AGMO: variants seen among roughly 807,000 people sequenced by gnomAD.
AGMO encodes alkylglycerol monooxygenase.
Under a neutral mutation model 60.2 loss-of-function variants are expected in AGMO, and 75 were observed. The observed-to-expected ratio is 1.25, with a 90% CI of 1.03 to 1.51. The LOEUF is 1.51. Among genes scored for constraint, AGMO ranks in the 40% most tolerant of loss-of-function variants. AGMO has a pLI of 0.00. For synonymous variants in AGMO, 261 were observed against 177.1 expected (o/e 1.47, Z -3.76); for missense variants, 763 against 525.5 (o/e 1.45, Z -4.42).
chr7:15,294,849 CAT>C (rs1784368366), intron 12 of AGMO, among the ~76,000 whole-genome samples: 1 of 151,746 alleles, frequency 6.6e-6, no homozygotes, highest in African/African-American at 2.4e-5. Flanking sequence ...ATAAAGAAAA[CAT>C]ATGCAACTGA....
the AGMO span, among the ~76,000 whole-genome samples, chr7:15,140,051 T>C: frequency 6.6e-6 from 1 of 150,800 alleles, no homozygotes; most frequent in South Asian, 2.1e-4. Flanking sequence ...AATAAAGTTA[T>C]AAATTATATA....
chr7:15,560,150 C>A lies in AGMO; in HGVS notation c.248G>T (p.Arg83Leu). 1 of 1,608,650 alleles carries A rather than the reference C, an allele frequency of 6.2e-7. No homozygotes were observed. Among genetic ancestry groups the A allele is most frequent in the Non-Finnish European group, 8.5e-7 (1 of 1,176,498 alleles). Residue 83 changes from arginine (R) to leucine (L), a missense_variant, in exon 2 of 13, where the codon CGA (arginine) becomes CTA (leucine). Transcript: ENST00000342526. ...LTSISAGVLS[R>L]LPSLFFRSIE... ...TGACCATCTAACTCACCTTGGAAGTCGAGACAGAACACCAGCTGAGATTGA... is the reference window on the plus strand; with the variant it reads ...TGACCATCTAACTCACCTTGGAAGTAGAGACAGAACACCAGCTGAGATTGA...
intron 12 of AGMO, among the ~76,000 whole-genome samples, chr7:15,214,197 C>A (rs1781671563): frequency 1.3e-5 from 2 of 151,680 alleles, no homozygotes; most frequent in South Asian, 2.1e-4. Flanking sequence ...AATTTGTAAC[C>A]AATATTAAAT....
At chr7:15,258,892 G>C (rs999359362) in intron 12 of AGMO, among the ~76,000 whole-genome samples, 5 of 151,956 alleles carry the variant, frequency 3.3e-5, no homozygotes, top group African/African-American at 1.2e-4. Flanking sequence ...CCACAACAAG[G>C]GAGCACTCCA....
At chr7:15,348,017 C>T (rs1782096018) in intron 12 of AGMO, among the ~76,000 whole-genome samples, 1 of 152,002 alleles carries the variant, frequency 6.6e-6, no homozygotes, top group Admixed American at 6.6e-5. Context: ...AAGACATTTT[C>T]CTGAAGTTAA....
intron 5 of AGMO, among the ~76,000 whole-genome samples, chr7:15,401,878 G>A (rs1212620850): frequency 6.6e-6 from 1 of 152,090 alleles, no homozygotes; most frequent in African/African-American, 2.4e-5. Flanking sequence ...TCTCATAGTG[G>A]AATAGATGTC....
intron 2 of AGMO, among the ~76,000 whole-genome samples, chr7:15,546,263 G>A (rs1302490625): frequency 6.6e-6 from 1 of 152,066 alleles, no homozygotes; most frequent in African/African-American, 2.4e-5. Flanking sequence ...GCAACTCAGA[G>A]AAATGCCAAA....
rs1465469098 is a variant in AGMO, at chr7:15,362,723, T to C, written c.1263+2791A>G. 4.6e-5 allele frequency among the ~76,000 whole-genome samples: 7 copies of C among 152,180 alleles called. 1 individual carries two copies. The highest frequency in any genetic ancestry group is 4.6e-4 in the Admixed American group (7 of 15,274). ...ATGAGGTCCTCTTTTCCTTGGATCA[T>C]AAACCAAAGATAATCCAGAGGTAAA... is the stretch of plus-strand genomic sequence containing the variant. On this transcript the variant is annotated intron_variant, in intron 12 of 12. Coordinates refer to ENST00000342526, the MANE Select transcript of AGMO (RefSeq NM_001004320.2).
the AGMO span, among the ~76,000 whole-genome samples, chr7:15,174,437 A>C: frequency 9.2e-5 from 14 of 152,230 alleles, no homozygotes; most frequent in East Asian, 1.3e-3. Context: ...AATTTTAAGA[A>C]AGATACTTTT....
intron 5 of AGMO, among the ~76,000 whole-genome samples, chr7:15,414,946 T>C (rs1780718592): frequency 1.3e-5 from 2 of 152,176 alleles, no homozygotes; most frequent in Non-Finnish European, 2.9e-5. Context: ...CAAAGAAATC[T>C]GGCATCTTGA....
intron 3 of AGMO, among the ~76,000 whole-genome samples, chr7:15,460,594 TTTAATAAGATA>T (rs1420184733): frequency 6.6e-6 from 1 of 152,104 alleles, no homozygotes; most frequent in African/African-American, 2.4e-5. Flanking sequence ...AAATTTTAAT[TTTAATAAGATA>T]TTAATGAGAT....
At chr7:15,506,836 T>TA (rs1464854244) in intron 3 of AGMO, among the ~76,000 whole-genome samples, 8 of 151,646 alleles carry the variant, frequency 5.3e-5, no homozygotes, top group Admixed American at 1.3e-4. Flanking sequence ...AGAGAGTCCC[T>TA]AAAAACAACA....
chr7:15,338,970 CCTAG>C (rs879683270), intron 12 of AGMO, among the ~76,000 whole-genome samples: 25 of 152,258 alleles, frequency 1.6e-4, no homozygotes, highest in Admixed American at 4.6e-4. Flanking sequence ...CATTTTTATA[CCTAG>C]CTAAACAGTA....
chr7:15,202,179 T>A (rs941677954), intron 12 of AGMO, among the ~76,000 whole-genome samples: 1 of 152,046 alleles, frequency 6.6e-6, no homozygotes, highest in Non-Finnish European at 1.5e-5. Context: ...TTTTCATGTA[T>A]GTGTATACTT....
Position 15,265,506 on chromosome 7 carries a change from G to C in AGMO, c.1264-64147C>G, listed in dbSNP as rs143012934. ...GATTACAATGTTTATATTATTAAAA[G>C]CAAAATTTATAAGCAGATCAAAAGA... On this transcript the variant is annotated intron_variant, in intron 12 of 12. Coordinates refer to ENST00000342526, the MANE Select transcript of AGMO (RefSeq NM_001004320.2). 7.2e-3 allele frequency among the ~76,000 whole-genome samples: 1,098 copies of C among 151,902 alleles called. 11 individuals are homozygous for C. Among genetic ancestry groups the C allele is most frequent in the African/African-American group, 0.024 (1,011 of 41,420 alleles).
chr7:15,161,838 G>T, the AGMO span, among the ~76,000 whole-genome samples: 70 of 152,080 alleles, frequency 4.6e-4, no homozygotes, highest in African/African-American at 1.6e-3. Flanking sequence ...TATGTGGCCT[G>T]CACAGATGAA....
intron 12 of AGMO, among the ~76,000 whole-genome samples, chr7:15,218,895 G>A (rs555254899): frequency 5.3e-5 from 8 of 152,184 alleles, no homozygotes; most frequent in Admixed American, 1.3e-4. Flanking sequence ...GTCCATCTAT[G>A]GGGCTATTCA....
At chr7:15,312,274 A>T (rs551346811) in intron 12 of AGMO, among the ~76,000 whole-genome samples, 1 of 152,198 alleles carries the variant, frequency 6.6e-6, no homozygotes, top group African/African-American at 2.4e-5. Flanking sequence ...AAGAAGCCAG[A>T]TGAATTCCAA....
intron 2 of AGMO, among the ~76,000 whole-genome samples, chr7:15,548,173 C>T (rs577641929): frequency 1.2e-4 from 19 of 152,164 alleles, no homozygotes; most frequent in Admixed American, 1.0e-3. Flanking sequence ...TGTACATCAC[C>T]GTCATCAAAG....
Sources: allele counts gnomAD v4.1 joint callset (sites outside exome capture counted in the v4.1 genomes callset), GRCh38; gene constraint gnomAD v4.1.1; transcripts MANE v1.5; gene names NCBI Gene and HGNC (gene_info 2026-07-23, HGNC 2026-07-21).